MAST4: variants seen among roughly 807,000 people sequenced by gnomAD.
The protein encoded by MAST4 is microtubule associated serine/threonine kinase family member 4, also known as microtubule-associated serine/threonine-protein kinase 4.
A neutral mutation model predicts 162.7 loss-of-function variants in MAST4; 89 were observed. The observed-to-expected ratio is 0.55, with a 90% CI of 0.46 to 0.65. MAST4 has a LOEUF of 0.65. MAST4 is among the 30% of genes least tolerant of loss of function. MAST4 has a pLI of 0.00. For missense variants in MAST4, 3,153 were observed against 3,374.0 expected, an observed-to-expected ratio of 0.93 and a Z score of 1.62; for synonymous variants, 1,479 against 1,361.1, an observed-to-expected ratio of 1.09 and a Z score of -1.91.
At chr5:67,146,707 A>G (rs1457420596) in intron 23 of MAST4, among the ~76,000 whole-genome samples, 3 of 152,170 alleles carry the variant, frequency 2.0e-5, no homozygotes, top group Admixed American at 1.3e-4. Context: ...TTGTGGGGGA[A>G]AATAATGTTG....
At chr5:66,641,081 C>T (rs1490607667) in intron 1 of MAST4, among the ~76,000 whole-genome samples, 5 of 152,136 alleles carry the variant, frequency 3.3e-5, no homozygotes, top group Non-Finnish European at 1.5e-5. Flanking sequence ...ATTGAGTTGC[C>T]TGAGTTTTTC....
intron 1 of MAST4, among the ~76,000 whole-genome samples, chr5:66,673,467 A>G (rs1184830609): frequency 2.0e-5 from 3 of 151,738 alleles, no homozygotes; most frequent in African/African-American, 2.4e-5. Context: ...TCTGAAACAT[A>G]ACTTGCTATA....
chr5:66,694,021 G>T (rs1315542113), intron 1 of MAST4, among the ~76,000 whole-genome samples: 2 of 152,218 alleles, frequency 1.3e-5, no homozygotes, highest in Non-Finnish European at 2.9e-5. Flanking sequence ...ACTCAAGCTA[G>T]ATTTAAGTTG....
At chr5:66,808,025 C>G (rs1051110404) in intron 3 of MAST4, among the ~76,000 whole-genome samples, 1 of 152,202 alleles carries the variant, frequency 6.6e-6, no homozygotes, top group African/African-American at 2.4e-5. Flanking sequence ...TTTCCTTGCC[C>G]TTTCTTCTAT....
chr5:66,825,305 CACACACACAG>C (rs1342532997), intron 3 of MAST4, among the ~76,000 whole-genome samples: 15 of 144,892 alleles, frequency 1.0e-4, no homozygotes, highest in Non-Finnish European at 2.1e-4. Flanking sequence ...CACACACACA[CACACACACAG>C]GCCTAGTCCT....
chr5:66,966,371 A>G (rs944125042), intron 4 of MAST4, among the ~76,000 whole-genome samples: 9 of 152,246 alleles, frequency 5.9e-5, no homozygotes, highest in African/African-American at 2.2e-4. Context: ...ATGAGTGAAT[A>G]AGAAATAGAA....
intron 4 of MAST4, chr5:67,005,201 G>T: frequency 1.5e-6 from 1 of 687,346 alleles, no homozygotes; most frequent in South Asian, 1.6e-5. Context: ...GTGACACTTT[G>T]AAAAGTTTAT....
chr5:66,973,760 G>A (rs1056570514), intron 4 of MAST4, among the ~76,000 whole-genome samples: 1 of 152,120 alleles, frequency 6.6e-6, no homozygotes, highest in Non-Finnish European at 1.5e-5. Flanking sequence ...TTCAGTTGAA[G>A]AATATTCCCT....
intron 1 of MAST4, among the ~76,000 whole-genome samples, chr5:66,661,312 C>T (rs1477649448): frequency 6.6e-6 from 1 of 152,134 alleles, no homozygotes; most frequent in Admixed American, 6.5e-5. Flanking sequence ...CAGATGATTG[C>T]TCCAATTCTA....
intron 23 of MAST4, among the ~76,000 whole-genome samples, chr5:67,148,294 C>G (rs1204344218): frequency 6.6e-6 from 1 of 152,172 alleles, no homozygotes; most frequent in African/African-American, 2.4e-5. Context: ...AGCATTTTCT[C>G]TCCTGGATGG....
At position 67,165,656 on chromosome 5, in the gene MAST4, T is replaced by A; in HGVS notation, c.6477T>A (p.Ser2159=). The A allele has an allele frequency of 6.2e-7, 1 of 1,604,470 alleles. No individual in the cohort carries two copies. The highest frequency in any genetic ancestry group is 1.7e-4 in the Middle Eastern group (1 of 6,056). Residue 2159 remains serine, a synonymous_variant, in exon 29 of 29, where the codon TCT becomes TCA. Transcript: ENST00000403625. ...ATTGCAGTTCCCCAAGCCACGCTTC[T>A]GGCAGAGAGCCGGGGGCCAAGCCCA... ...RQHCSSPSHA[S]GREPGAKPST...
At chr5:67,004,858 A>G (rs910131667) in intron 4 of MAST4, 2 of 627,686 alleles carry the variant, frequency 3.2e-6, no homozygotes, top group East Asian at 5.5e-5. Context: ...AGTTCCCATC[A>G]CATTTTCTCT....
rs145983926 is a variant in MAST4, at chr5:66,880,772, A to G, written c.643-19179A>G. Among the ~76,000 whole-genome samples the G allele has an allele frequency of 8.7e-4, 132 of 152,352 alleles. 2 individuals carry two copies. The East Asian group carries it at 0.019, about 22-fold the overall frequency. On this transcript the variant is annotated intron_variant, in intron 3 of 28. Coordinates refer to ENST00000403625, the MANE Select transcript of MAST4 (RefSeq NM_001164664.2). ...TCCGTGATGCTTTGTATAAGGTATG[A>G]TAGAAACACAGTATTAAAGCACTCA...
intron 3 of MAST4, among the ~76,000 whole-genome samples, chr5:66,894,225 C>CT (rs1354440569): frequency 6.6e-6 from 1 of 152,198 alleles, no homozygotes; most frequent in Non-Finnish European, 1.5e-5. Context: ...GTGCCAACCT[C>CT]TAATAAACAA....
intron 26 of MAST4, among the ~76,000 whole-genome samples, chr5:67,158,128 AT>A (rs1267471044): frequency 3.3e-5 from 5 of 152,150 alleles, no homozygotes; most frequent in African/African-American, 9.7e-5. Flanking sequence ...AAATTTCAGC[AT>A]GGCCTCAATT....
chr5:66,758,410 T>G (rs1753673835), intron 1 of MAST4, among the ~76,000 whole-genome samples: 1 of 151,684 alleles, frequency 6.6e-6, no homozygotes, highest in Non-Finnish European at 1.5e-5. Flanking sequence ...TTTCTATTTA[T>G]TTAATTATTT....
rs547423243 is a variant in MAST4, at chr5:66,615,135, G to C, written c.363+18117G>C. 4.2e-4 allele frequency among the ~76,000 whole-genome samples: 64 copies of C among 152,310 alleles called. 1 individual carries two copies. The highest frequency in any genetic ancestry group is 7.9e-4 in the Non-Finnish European group (54 of 68,032). Reference sequence around the variant, plus strand: ...AGAAGAGAGAATGCTGTGTGTCCTGGTGTGGAGGGTGGTTTGTTTGTTTTG... The same window carrying C: ...AGAAGAGAGAATGCTGTGTGTCCTGCTGTGGAGGGTGGTTTGTTTGTTTTG... On this transcript the variant is annotated intron_variant, in intron 1 of 28. Coordinates refer to ENST00000403625, the MANE Select transcript of MAST4 (RefSeq NM_001164664.2).
intron 1 of MAST4, among the ~76,000 whole-genome samples, chr5:66,646,176 CT>C (rs1041385984): frequency 2.0e-4 from 31 of 152,162 alleles, no homozygotes; most frequent in African/African-American, 7.5e-4. Flanking sequence ...GTTATAAACA[CT>C]TTTTGCCATT....
Position 67,008,540 on chromosome 5 carries a change from T to C in MAST4, c.675-45864T>C, listed in dbSNP as rs377173203. Among the ~76,000 whole-genome samples, 290 of 152,372 alleles carry C rather than the reference T, an allele frequency of 1.9e-3. 2 individuals carry two copies. The highest frequency in any genetic ancestry group is 6.8e-3 in the African/African-American group (284 of 41,592). On this transcript the variant is annotated intron_variant, in intron 4 of 28. Transcript: ENST00000403625. ...CCTTTAGTTTTGCTGAAGTGCAGTC[T>C]TGAGAATCCAGAAGATGCTTGTGTT...
Sources: allele counts gnomAD v4.1 joint callset (sites outside exome capture counted in the v4.1 genomes callset), GRCh38; gene constraint gnomAD v4.1.1; transcripts MANE v1.5; gene names NCBI Gene and HGNC (gene_info 2026-07-23, HGNC 2026-07-21).